SYN3: variants seen among roughly 807,000 people sequenced by gnomAD.
SYN3 encodes the protein synapsin III.
Under a neutral mutation model 65.8 loss-of-function variants are expected in SYN3, and 35 were observed. That is an observed-to-expected ratio of 0.53 (90% CI 0.41 to 0.70). SYN3 has a LOEUF of 0.70. Among genes scored for constraint, SYN3 ranks in the 30% least tolerant of loss-of-function variants. The pLI is 0.00. For missense variants in SYN3, 680 were observed against 749.0 expected (o/e 0.91, Z 1.08); for synonymous variants, 270 against 292.9 (o/e 0.92, Z 0.80).
intron 7 of SYN3, among the ~76,000 whole-genome samples, chr22:32,560,641 A>G (rs2058573497): frequency 1.3e-5 from 2 of 152,072 alleles, no homozygotes; most frequent in South Asian, 4.1e-4. Context: ...GGTGGGCTGC[A>G]GGTCAGAAAG....
intron 4 of SYN3, among the ~76,000 whole-genome samples, chr22:32,902,871 C>CAA (rs1158432098): frequency 0.012 from 1,570 of 127,516 alleles, 15 homozygotes; most frequent in African/African-American, 0.03. Context: ...CCCCTGGAGA[C>CAA]AAAAAAAAAA....
At chr22:32,742,586 A>T (rs535225155) in intron 6 of SYN3, among the ~76,000 whole-genome samples, 1 of 152,302 alleles carries the variant, frequency 6.6e-6, no homozygotes, top group East Asian at 1.9e-4. Flanking sequence ...CTCACTCTAT[A>T]GACAAGGAAA....
At chr22:32,619,249 T>C (rs2059562707) in intron 6 of SYN3, among the ~76,000 whole-genome samples, 1 of 152,226 alleles carries the variant, frequency 6.6e-6, no homozygotes, top group Non-Finnish European at 1.5e-5. Flanking sequence ...CTAAGTCGCT[T>C]TACCACTGGA....
In SYN3 at chr22:32,518,352, A is replaced by G; in HGVS notation, c.1319-18T>C. The G allele has an allele frequency of 1.2e-6, 2 of 1,609,908 alleles. No individual in the cohort carries two copies. The highest frequency in any genetic ancestry group is 1.1e-5 in the South Asian group (1 of 90,444). On this transcript the variant is annotated intron_variant, in intron 12 of 13. Coordinates refer to ENST00000358763, the MANE Select transcript of SYN3 (RefSeq NM_003490.4). ...AGGGCCTCCTAAGGGGCCAGAAAAAAAAAGGTTCAGTTCAATTTTTTTTCT... is the reference window on the plus strand; with the variant it reads ...AGGGCCTCCTAAGGGGCCAGAAAAAGAAAGGTTCAGTTCAATTTTTTTTCT...
At chr22:32,780,068 C>CAAAA (rs130536) in intron 6 of SYN3, among the ~76,000 whole-genome samples, 4 of 72,598 alleles carry the variant, frequency 5.5e-5, no homozygotes, top group African/African-American at 2.6e-4. Flanking sequence ...GATTCTGTCT[C>CAAAA]AAAAAAAAAA....
intron 7 of SYN3, among the ~76,000 whole-genome samples, chr22:32,555,683 A>G (rs902150513): frequency 6.6e-6 from 1 of 152,206 alleles, no homozygotes; most frequent in Non-Finnish European, 1.5e-5. Flanking sequence ...GGCAAAAATT[A>G]GCTGGCAGGG....
intron 3 of SYN3, among the ~76,000 whole-genome samples, chr22:32,980,437 A>T (rs1407440762): frequency 6.6e-6 from 1 of 152,186 alleles, no homozygotes; most frequent in Non-Finnish European, 1.5e-5. Flanking sequence ...TCCCTTGAAG[A>T]AAGGGTCTCT....
chr22:32,798,244 G>A (rs1051500295), intron 6 of SYN3, among the ~76,000 whole-genome samples: 4 of 152,056 alleles, frequency 2.6e-5, no homozygotes, highest in African/African-American at 7.2e-5. Flanking sequence ...TGTGGGCTGG[G>A]CACTGTACAA....
In SYN3 at chr22:32,635,172, T is replaced by G. The variant is rs908438422; in HGVS notation, c.712-38436A>C. On this transcript the variant is annotated intron_variant, in intron 6 of 13. Coordinates refer to ENST00000358763, the MANE Select transcript of SYN3 (RefSeq NM_003490.4). ...AGTTTCCAAGATCAGACAAGAGCGG[T>G]GTGTTAAGGGTGGTATGTCTGTAGG... The G allele has an allele frequency of 6.6e-5, 10 of 152,020 alleles. No homozygotes were observed. The East Asian group carries it at 9.6e-4, about 15-fold the overall frequency. The allele number at this position is 152,020 out of a possible 1,614,324, so 9.4% of individuals were successfully genotyped here. A position where few individuals can be genotyped will look rare whatever the true frequency, so the allele number is the denominator to read the frequency against.
intron 6 of SYN3, among the ~76,000 whole-genome samples, chr22:32,682,464 C>G (rs1317272110): frequency 6.6e-6 from 1 of 152,130 alleles, no homozygotes; most frequent in Non-Finnish European, 1.5e-5. Flanking sequence ...CTGGAGATTA[C>G]TGCAGTCACC....
chr22:32,601,443 A>G (rs2059281899), intron 6 of SYN3, among the ~76,000 whole-genome samples: 1 of 152,124 alleles, frequency 6.6e-6, no homozygotes, highest in African/African-American at 2.4e-5. Flanking sequence ...ACGCCCGGCT[A>G]ATATTTTGTA....
At chr22:32,992,775 T>C (rs745336294) in intron 2 of SYN3, among the ~76,000 whole-genome samples, 28 of 152,174 alleles carry the variant, frequency 1.8e-4, no homozygotes, top group Non-Finnish European at 3.5e-4. Context: ...ATCACTCTGC[T>C]GCACTCCAGC....
At chr22:32,996,697 TAA>T (rs1407049831) in intron 2 of SYN3, among the ~76,000 whole-genome samples, 1 of 152,206 alleles carries the variant, frequency 6.6e-6, no homozygotes, top group Non-Finnish European at 1.5e-5. Context: ...CTTGGTGCTT[TAA>T]AAAGAGGAAA....
chr22:32,615,945 T>C (rs1446650867), intron 6 of SYN3, among the ~76,000 whole-genome samples: 2 of 152,098 alleles, frequency 1.3e-5, no homozygotes, highest in African/African-American at 4.8e-5. Context: ...TGAGTGAACG[T>C]GTGGGAATGG....
intron 7 of SYN3, among the ~76,000 whole-genome samples, chr22:32,556,834 TTG>T (rs1569035455): frequency 3.1e-5 from 4 of 129,292 alleles, no homozygotes; most frequent in African/African-American, 8.7e-5. Context: ...TTTTTTTTTT[TTG>T]TGTGTAGAGA....
At chr22:32,781,445 T>G (rs1007947584) in intron 6 of SYN3, among the ~76,000 whole-genome samples, 4 of 152,096 alleles carry the variant, frequency 2.6e-5, no homozygotes, top group African/African-American at 9.7e-5. Context: ...ATAGGCTACA[T>G]GGCCTTGGAC....
intron 9 of SYN3, 113 bp from the exon 10 acceptor site, chr22:32,534,008 C>T: frequency 3.0e-6 from 2 of 660,312 alleles, no homozygotes; most frequent in African/African-American, 3.5e-5. Flanking sequence ...GTGACTCACA[C>T]ATCCAGACGG....
intron 4 of SYN3, among the ~76,000 whole-genome samples, chr22:32,905,036 C>T (rs2049864376): frequency 6.6e-6 from 1 of 152,154 alleles, no homozygotes; most frequent in Non-Finnish European, 1.5e-5. Flanking sequence ...CCTCTCTGAG[C>T]TTCAGTTTTC....
intron 6 of SYN3, among the ~76,000 whole-genome samples, chr22:32,611,073 A>G (rs149457345): frequency 7.9e-5 from 12 of 152,298 alleles, no homozygotes; most frequent in African/African-American, 1.9e-4. Flanking sequence ...AATATGGGTA[A>G]TACTTTGGCA....
Sources: allele counts gnomAD v4.1 joint callset (sites outside exome capture counted in the v4.1 genomes callset), GRCh38; gene constraint gnomAD v4.1.1; transcripts MANE v1.5; gene names NCBI Gene and HGNC (gene_info 2026-07-23, HGNC 2026-07-21).